Variants in ADGRV1 observed in about 807,000 individuals in gnomAD.
The protein encoded by ADGRV1 is adhesion G protein-coupled receptor V1, also known as G-protein coupled receptor 98.
A neutral mutation model predicts 596.2 loss-of-function variants in ADGRV1; 359 were observed. The ratio of observed to expected loss-of-function variants is 0.60; its 90% CI spans 0.55 to 0.66. The LOEUF (loss-of-function observed/expected upper bound fraction) is 0.66. Ranked by LOEUF, ADGRV1 falls within the 30% of genes least tolerant of loss-of-function variation. ADGRV1 has a pLI of 0.00. For synonymous variants in ADGRV1, 2,681 were observed against 2,679.2 expected, an observed-to-expected ratio of 1.00 and a Z score of -0.02; for missense variants, 7,274 against 7,575.6, an observed-to-expected ratio of 0.96 and a Z score of 1.48.
At chr5:90,675,504 CT>C in intron 24 of ADGRV1, 59 bp downstream of exon 24, 1 of 1,446,758 alleles carries the variant, frequency 6.9e-7, no homozygotes, top group Non-Finnish European at 9.6e-7. Flanking sequence ...CATAATCCTT[CT>C]CTGGAAGGGA....
intron 20 of ADGRV1, 136 bp downstream of exon 20, chr5:90,654,088 A>G: frequency 1.2e-6 from 1 of 863,614 alleles, no homozygotes; most frequent in Non-Finnish European, 1.8e-6. Context: ...CTTTAATCAA[A>G]ACTATGTGCC....
chr5:90,565,274 C>G (rs1474803969), intron 1 of ADGRV1, among the ~76,000 whole-genome samples: 1 of 152,128 alleles, frequency 6.6e-6, no homozygotes, highest in African/African-American at 2.4e-5. Flanking sequence ...ACTGTCTATT[C>G]CAGAACATTT....
chr5:90,986,222 A>G (rs945658058), intron 85 of ADGRV1, among the ~76,000 whole-genome samples: 2 of 151,384 alleles, frequency 1.3e-5, no homozygotes, highest in African/African-American at 2.4e-5. Flanking sequence ...ACACTTTGCA[A>G]TAATAAAGCT....
chr5:90,963,400 A>C (rs552781195), intron 83 of ADGRV1, among the ~76,000 whole-genome samples: 3 of 152,254 alleles, frequency 2.0e-5, no homozygotes, highest in African/African-American at 7.2e-5. Context: ...CAAAAAAGTC[A>C]AGGAAAATAT....
chr5:90,624,828 T>C (rs1485175473), intron 5 of ADGRV1, among the ~76,000 whole-genome samples: 2 of 152,158 alleles, frequency 1.3e-5, no homozygotes, highest in African/African-American at 2.4e-5. Context: ...AATTTACTAA[T>C]CTTGAATACC....
rs1159909833 is a variant in ADGRV1 at position 91,163,943 on chromosome 5, T to A, written c.*43T>A. The A allele has an allele frequency of 9.6e-6, 9 of 938,138 alleles. No individual in the cohort carries two copies. The highest frequency in any genetic ancestry group is 1.5e-5 in the Non-Finnish European group (9 of 582,450). 58.1% of individuals were successfully genotyped at this position (938,138 alleles called of 1,614,324 possible). On this transcript the variant is annotated 3_prime_UTR_variant, in exon 90 of 90. Transcript: ENST00000405460. The stretch of plus-strand genomic sequence containing the variant: ...GACTGAGCACACTTTCATATTTGTA[T>A]CAGCTTTTGTGCTAAAACTCTCTAA...
At chr5:91,157,892 T>TTCTACTTCAGGTA (rs1796602850) in intron 89 of ADGRV1, among the ~76,000 whole-genome samples, 1 of 152,218 alleles carries the variant, frequency 6.6e-6, no homozygotes, top group South Asian at 2.1e-4. Flanking sequence ...AATCCCAGCC[T>TTCTACTTCAGGTA]GAAGACTTCT....
intron 59 of ADGRV1, among the ~76,000 whole-genome samples, chr5:90,766,593 A>G (rs1345751678): frequency 6.6e-6 from 1 of 152,202 alleles, no homozygotes; most frequent in South Asian, 2.1e-4. Flanking sequence ...TTTGAGAATA[A>G]CAAGCATATT....
intron 50 of ADGRV1, among the ~76,000 whole-genome samples, chr5:90,733,894 A>G (rs929810030): frequency 4.6e-5 from 7 of 152,086 alleles, no homozygotes; most frequent in African/African-American, 1.7e-4. Context: ...TCTAGCCAAA[A>G]TTTTGTACCT....
At chr5:90,911,481 T>C (rs768100888) in intron 83 of ADGRV1, among the ~76,000 whole-genome samples, 16 of 152,208 alleles carry the variant, frequency 1.1e-4, no homozygotes, top group Admixed American at 2.0e-4. Context: ...GTTTTCTTAA[T>C]ATTTCTGTGG....
chr5:90,811,134 G>A lies in ADGRV1; in HGVS notation c.15874G>A (p.Glu5292Lys). 1.2e-6 allele frequency: 2 copies of A among 1,613,862 alleles called. No individual in the cohort carries two copies. The highest frequency in any genetic ancestry group is 1.7e-6 in the Non-Finnish European group (2 of 1,179,798). ...CAACCTAACATGGGCAGTTGAAGAAGAAGACTTTGAAGAACAAACTCTTAC... is the reference window on the plus strand; with the variant it reads ...CAACCTAACATGGGCAGTTGAAGAAAAAGACTTTGAAGAACAAACTCTTAC... ...ISNLTWAVEE[E>K]DFEEQTLTLI... The change falls in exon 74 of 90, where the codon GAA becomes AAA. Residue 5292 changes from glutamate (E) to lysine (K), a missense_variant. Coordinates refer to ENST00000405460, the MANE Select transcript of ADGRV1 (RefSeq NM_032119.4).
chr5:90,579,449 G>C (rs1304147145), intron 1 of ADGRV1, among the ~76,000 whole-genome samples: 2 of 152,200 alleles, frequency 1.3e-5, no homozygotes, highest in Admixed American at 1.3e-4. Context: ...GTTCTAATTT[G>C]ATTGCACTGT....
rs375790811 is a variant in ADGRV1, at chr5:90,753,798, G to C, written c.11346G>C (p.Ala3782=). ...TTGGCTTGGTGGGCTGGCGTGCTGC[G>C]TCTGTCTTCATTAGAGTAGCAGAGC... ...SPFGLVGWRA[A]SVFIRVAEPK... The change falls in exon 54 of 90, where the codon GCG becomes GCC. Residue 3782 remains alanine, a synonymous_variant. Transcript: ENST00000405460. 2 of 1,610,616 alleles carry C rather than the reference G, an allele frequency of 1.2e-6. No individual in the cohort carries two copies. Among genetic ancestry groups the C allele is most frequent in the African/African-American group, 1.3e-5 (1 of 74,810 alleles).
In ADGRV1 at chr5:90,912,421, A is replaced by G. The variant is rs147139490; in HGVS notation, c.17856+48564A>G. ...TTAGATTCAGTGGTTGCATATGCAG[A>G]TTTGTTAGTTACAGGGTATATTGCA... On this transcript the variant is annotated intron_variant, in intron 83 of 89. Transcript: ENST00000405460. Among the ~76,000 whole-genome samples, 292 of 152,284 alleles carry G rather than the reference A, an allele frequency of 1.9e-3. 1 individual carries two copies. Among genetic ancestry groups the G allele is most frequent in the African/African-American group, 6.0e-3 (250 of 41,562 alleles).
At chr5:90,578,700 T>C (rs377428829) in intron 1 of ADGRV1, among the ~76,000 whole-genome samples, 1 of 152,336 alleles carries the variant, frequency 6.6e-6, no homozygotes, top group East Asian at 1.9e-4. Flanking sequence ...CCAGTTCCTC[T>C]TTGTACTTCT....
chr5:90,697,185 T>C (rs751938490), intron 34 of ADGRV1, 39 bp downstream of exon 34: 1 of 1,532,952 alleles, frequency 6.5e-7, no homozygotes, highest in Non-Finnish European at 9.0e-7. Context: ...CATTTTCTTT[T>C]CTATGGATGT....
rs139116424 is a variant in ADGRV1 at position 90,771,944 on chromosome 5, A to G, written c.12286-2242A>G. 1.7e-3 allele frequency among the ~76,000 whole-genome samples: 261 copies of G among 152,150 alleles called. 1 individual carries two copies. Among genetic ancestry groups the G allele is most frequent in the Non-Finnish European group, 1.7e-3 (118 of 67,992 alleles). ...TATGAAACTTCCCCATCACCTTTTT[A>G]TCCCAGAACATTTATTACTATCTTT... is the stretch of plus-strand genomic sequence containing the variant. On this transcript the variant is annotated intron_variant, in intron 59 of 89. Coordinates refer to ENST00000405460, the MANE Select transcript of ADGRV1 (RefSeq NM_032119.4).
intron 1 of ADGRV1, among the ~76,000 whole-genome samples, chr5:90,613,801 G>T (rs75263673): frequency 6.6e-6 from 1 of 152,042 alleles, no homozygotes; most frequent in African/African-American, 2.4e-5. Context: ...TATATTTGGC[G>T]TGTCTAAGTA....
Position 90,645,992 on chromosome 5 carries a change from A to G in ADGRV1, c.2923A>G (p.Thr975Ala), listed in dbSNP as rs754037480. ...DEIPEEMEEF[T>A]VILLNGTGGA... ...GATTCCAGAAGAAATGGAAGAATTT[A>G]CCGTTATCCTACTGAATGGCACTGG... The change falls in exon 16 of 90, where the codon ACC becomes GCC. Residue 975 changes from threonine (T) to alanine (A), a missense_variant. Physicochemically the swap from Thr to Ala is moderately conservative, Grantham distance 58. Transcript: ENST00000405460. The G allele has an allele frequency of 3.8e-5, 60 of 1,597,614 alleles. No homozygotes were observed. In the East Asian group the frequency reaches 1.3e-3, roughly 36 times the overall value.
Sources: allele counts gnomAD v4.1 joint callset (sites outside exome capture counted in the v4.1 genomes callset), GRCh38; gene constraint gnomAD v4.1.1; transcripts MANE v1.5; gene names NCBI Gene and HGNC (gene_info 2026-07-23, HGNC 2026-07-21).